The following CD8B variants were observed in gnomAD, a reference collection of about 807,000 sequenced individuals.
CD8B encodes T-cell surface glycoprotein CD8 beta chain.
CD8B carries 6 observed loss-of-function variants against 24.2 expected under a neutral mutation model. The observed-to-expected ratio is 0.25, with a 90% CI of 0.14 to 0.49. The LOEUF (loss-of-function observed/expected upper bound fraction) is 0.49, where lower values mean the gene tolerates loss of function less well. Among genes scored for constraint, CD8B ranks in the 20% least tolerant of loss-of-function variants. The pLI is 0.98. For missense variants in CD8B, 196 were observed against 271.3 expected (o/e 0.72, Z 1.95); for synonymous variants, 84 against 108.3 (o/e 0.78, Z 1.39).
At chr2:86,816,325 A>G (rs1053305085) in intron 5 of CD8B, among the ~76,000 whole-genome samples, 4 of 152,178 alleles carry the variant, frequency 2.6e-5, no homozygotes, top group African/African-American at 4.8e-5. Context: ...GTACTTTATA[A>G]TGGACATGAA....
intron 5 of CD8B, among the ~76,000 whole-genome samples, chr2:86,818,500 T>C (rs1674345446): frequency 6.6e-6 from 1 of 152,206 alleles, no homozygotes; most frequent in South Asian, 2.1e-4. Context: ...CCTCAAACTT[T>C]TTCATTATTA....
At chr2:86,823,990 CAT>C (rs1491116314) in intron 5 of CD8B, among the ~76,000 whole-genome samples, 5 of 151,542 alleles carry the variant, frequency 3.3e-5, no homozygotes, top group African/African-American at 4.8e-5. Context: ...CTTTGTACAG[CAT>C]GTGTGTGTGT....
intron 5 of CD8B, among the ~76,000 whole-genome samples, chr2:86,829,787 A>T (rs534369543): frequency 3.8e-4 from 58 of 152,166 alleles, no homozygotes; most frequent in Non-Finnish European, 6.9e-4. Context: ...TTTACCTGCA[A>T]CTGTTTCGGT....
At chr2:86,856,337 TG>T (rs900745670) in intron 2 of CD8B, among the ~76,000 whole-genome samples, 2 of 152,030 alleles carry the variant, frequency 1.3e-5, no homozygotes, top group Admixed American at 1.3e-4. Context: ...TGGAAAGGTG[TG>T]GGGCTTACAG....
At chr2:86,843,506 A>G (rs1323067568) in intron 5 of CD8B, 1 of 962,726 alleles carries the variant, frequency 1.0e-6, no homozygotes, top group African/African-American at 1.8e-5. Flanking sequence ...ATTGTACACA[A>G]TTAAAATATC....
intron 5 of CD8B, among the ~76,000 whole-genome samples, chr2:86,818,067 G>A (rs974201588): frequency 5.9e-5 from 9 of 151,934 alleles, no homozygotes; most frequent in South Asian, 2.1e-4. Context: ...AAAATTAGCC[G>A]GGCGTGGTGG....
chr2:86,821,349 G>A (rs1249946245), intron 5 of CD8B, among the ~76,000 whole-genome samples: 5 of 152,136 alleles, frequency 3.3e-5, no homozygotes, highest in Admixed American at 6.5e-5. Context: ...TGCTAAAGGA[G>A]TTGCTAATAT....
In CD8B at chr2:86,844,964, A is replaced by G. The variant is rs1250283579; in HGVS notation, c.584-6T>C. ...CCGGGCTCTCCTCCGCCGGCCTGGAAGAGGAAAGCAAGGGCGCCAGTCAGT... is the reference window on the plus strand; with the variant it reads ...CCGGGCTCTCCTCCGCCGGCCTGGAGGAGGAAAGCAAGGGCGCCAGTCAGT... On this transcript the variant is annotated splice_region_variant and splice_polypyrimidine_tract_variant and intron_variant, in intron 4 of 5. Transcript: ENST00000390655. 5.1e-6 allele frequency: 8 copies of G among 1,557,418 alleles called. No homozygotes were observed. Among genetic ancestry groups the G allele is most frequent in the Admixed American group, 3.9e-5 (2 of 51,702 alleles).
Position 86,841,842 on chromosome 2 carries a change from C to T in CD8B, c.*465G>A. Reference sequence around the variant, plus strand: ...CAGCAAGCCTCATTCCCAACCTGCACCTGGCCTCTCTGCGAGGAAGGTCAG... The same window carrying T: ...CAGCAAGCCTCATTCCCAACCTGCATCTGGCCTCTCTGCGAGGAAGGTCAG... On this transcript the variant is annotated 3_prime_UTR_variant, in exon 6 of 6. Transcript: ENST00000390655. The T allele has an allele frequency of 3.0e-6, 3 of 986,282 alleles. No homozygotes were observed. Among genetic ancestry groups the T allele is most frequent in the Non-Finnish European group, 3.6e-6 (3 of 830,616 alleles). The allele number at this position is 986,282 out of a possible 1,614,324, so 61.1% of individuals were successfully genotyped here.
At chr2:86,833,985 A>T (rs548048859), downstream of CD8B, among the ~76,000 whole-genome samples, 1 of 152,212 alleles carries the variant, frequency 6.6e-6, no homozygotes, top group South Asian at 2.1e-4. Flanking sequence ...TGATGGCTAC[A>T]CGATATTTTT....
At chr2:86,830,726 A>G (rs1674876350) in intron 5 of CD8B, among the ~76,000 whole-genome samples, 1 of 152,184 alleles carries the variant, frequency 6.6e-6, no homozygotes, top group Non-Finnish European at 1.5e-5. Flanking sequence ...TGGTGGGACC[A>G]GCCTGGACTC....
Position 86,839,263 on chromosome 2 carries a change from A to G in CD8B, c.*3044T>C, listed in dbSNP as rs1237103384. 6.6e-6 allele frequency among the ~76,000 whole-genome samples: 1 copy of G among 152,218 alleles called. No homozygotes were observed. The highest frequency in any genetic ancestry group is 2.4e-5 in the African/African-American group (1 of 41,470). On this transcript the variant is annotated 3_prime_UTR_variant, in exon 6 of 6. Coordinates refer to ENST00000390655, the MANE Select transcript of CD8B (RefSeq NM_004931.5). ...CCTTAGCAGCCGCCTAAACCCCCTT[A>G]TTAGACTGTGTCTGAATTTATCTGA...
intron 3 of CD8B, among the ~76,000 whole-genome samples, 154 bp from the exon 4 acceptor site, chr2:86,846,927 A>T (rs11694078): frequency 0.31 from 18,470 of 58,768 alleles, 5,128 homozygotes; most frequent in Non-Finnish European, 0.35. Flanking sequence ...TTCCTCAAGT[A>T]TTTTTTTTTT....
intron 3 of CD8B, among the ~76,000 whole-genome samples, chr2:86,849,891 A>ACGGG (rs1675892811): frequency 6.6e-6 from 1 of 151,866 alleles, no homozygotes; most frequent in South Asian, 2.1e-4. Context: ...TTTAGTGGAG[A>ACGGG]CGGGGTTTCG....
In CD8B at chr2:86,853,105, A is replaced by T. The variant is rs1320553064; in HGVS notation, c.404-19T>A. On this transcript the variant is annotated intron_variant, in intron 2 of 5. Transcript: ENST00000390655. ...AAATCAACTACAGAAAGAAAGCAAG[A>T]CACATATCTTAGCCAAGTGAACACC... is the stretch of plus-strand genomic sequence containing the variant. 6.5e-7 allele frequency: 1 copy of T among 1,545,370 alleles called. No individual in the cohort carries two copies. Among genetic ancestry groups the T allele is most frequent in the Non-Finnish European group, 8.7e-7 (1 of 1,143,162 alleles).
At chr2:86,822,048 G>T (rs1022579479) in intron 5 of CD8B, among the ~76,000 whole-genome samples, 3 of 152,132 alleles carry the variant, frequency 2.0e-5, no homozygotes, top group African/African-American at 7.2e-5. Context: ...CAACAGTCCT[G>T]CCCTGACTTG....
At position 86,824,570 on chromosome 2, in the gene CD8B, A is replaced by G. The variant is rs142785812; in HGVS notation, c.621-8852T>C. 1.5e-3 allele frequency among the ~76,000 whole-genome samples: 231 copies of G among 152,228 alleles called. 1 individual carries two copies. Among genetic ancestry groups the G allele is most frequent in the Admixed American group, 3.0e-3 (46 of 15,294 alleles). Reference sequence around the variant, plus strand: ...CTCCCCCTGCACAAACCTGCAACCCATTCCCTTCCTGGGGTCCTGTGGGGA... The same window carrying G: ...CTCCCCCTGCACAAACCTGCAACCCGTTCCCTTCCTGGGGTCCTGTGGGGA... On this transcript the variant is annotated intron_variant, in intron 5 of 5. Coordinates refer to the CD8B transcript ENST00000331469.
chr2:86,842,747 C>T (rs1466227491), intron 5 of CD8B, among the ~76,000 whole-genome samples: 1 of 152,186 alleles, frequency 6.6e-6, no homozygotes, highest in Non-Finnish European at 1.5e-5. Context: ...GAGAGCAAAA[C>T]CAGAGGTGGT....
chr2:86,822,545 G>A (rs1007827408), intron 5 of CD8B, among the ~76,000 whole-genome samples: 3 of 152,150 alleles, frequency 2.0e-5, no homozygotes, highest in Non-Finnish European at 2.9e-5. Context: ...CAAGGAAAAC[G>A]CAGACAGCAT....
Sources: allele counts gnomAD v4.1 joint callset (sites outside exome capture counted in the v4.1 genomes callset), GRCh38; gene constraint gnomAD v4.1.1; transcripts MANE v1.5; gene names NCBI Gene and HGNC (gene_info 2026-07-23, HGNC 2026-07-21).